The following PRKAR1A variants were observed in gnomAD, a reference collection of about 807,000 sequenced individuals.
PRKAR1A encodes protein kinase cAMP-dependent type I regulatory subunit alpha.
PRKAR1A carries 3 observed loss-of-function variants against 52.0 expected under a neutral mutation model. The observed-to-expected ratio is 0.06, with a 90% confidence interval of 0.03 to 0.15. The LOEUF is 0.15. Among genes scored for constraint, PRKAR1A ranks in the 10% least tolerant of loss-of-function variants. PRKAR1A has a pLI of 1.00. For synonymous variants in PRKAR1A, 188 were observed against 168.4 expected, an observed-to-expected ratio of 1.12 and a Z score of -0.90; for missense variants, 240 against 477.4, an observed-to-expected ratio of 0.50 and a Z score of 4.63.
At chr17:68,479,148 T>C in the PRKAR1A span, among the ~76,000 whole-genome samples, 1 of 152,376 alleles carries the variant, frequency 6.6e-6, no homozygotes, top group South Asian at 2.1e-4. Flanking sequence ...ATTGTTCTTA[T>C]ACTTTTCACA....
chr17:68,528,267 G>C (rs1363334900), intron 8 of PRKAR1A, among the ~76,000 whole-genome samples: 1 of 152,162 alleles, frequency 6.6e-6, no homozygotes, highest in Non-Finnish European at 1.5e-5. Flanking sequence ...TGTGGACTTG[G>C]AGATGTTAGA....
At chr17:68,469,927 T>C in the PRKAR1A span, among the ~76,000 whole-genome samples, 2 of 152,180 alleles carry the variant, frequency 1.3e-5, no homozygotes, top group Non-Finnish European at 2.9e-5. Flanking sequence ...TTTTTGTTTT[T>C]GCATATCTCT....
the PRKAR1A span, chr17:68,434,534 G>A: frequency 6.2e-7 from 1 of 1,613,084 alleles, no homozygotes; most frequent in Non-Finnish European, 8.5e-7. Flanking sequence ...ACTTTAAAAT[G>A]GGTTTGACAT....
the PRKAR1A span, among the ~76,000 whole-genome samples, chr17:68,493,978 G>A: frequency 3.9e-5 from 6 of 152,086 alleles, no homozygotes; most frequent in South Asian, 2.1e-4. Context: ...TGGCAACATC[G>A]TCCATCAAAA....
chr17:68,414,968 T>A, the PRKAR1A span, among the ~76,000 whole-genome samples: 1 of 152,228 alleles, frequency 6.6e-6, no homozygotes, highest in Admixed American at 6.5e-5. Context: ...TTTATTCATA[T>A]TTTCAAAGAA....
chr17:68,523,625 A>G, intron 3 of PRKAR1A, 100 bp from the exon 4 acceptor site: 3 of 903,480 alleles, frequency 3.3e-6, no homozygotes, highest in Non-Finnish European at 1.8e-6. Flanking sequence ...GTCTTGTTTA[A>G]ATACCATAAT....
chr17:68,501,065 A>G, the PRKAR1A span, among the ~76,000 whole-genome samples: 3 of 152,058 alleles, frequency 2.0e-5, no homozygotes, highest in Non-Finnish European at 4.4e-5. Context: ...GTCAATGCAC[A>G]TAAGTCCATG....
chr17:68,454,780 G>A, the PRKAR1A span, among the ~76,000 whole-genome samples: 1 of 152,224 alleles, frequency 6.6e-6, no homozygotes, highest in Non-Finnish European at 1.5e-5. Flanking sequence ...AAGAAATACT[G>A]TAACTAGAGT....
the PRKAR1A span, among the ~76,000 whole-genome samples, chr17:68,441,556 T>G: frequency 6.6e-6 from 1 of 152,188 alleles, no homozygotes; most frequent in Non-Finnish European, 1.5e-5. Flanking sequence ...AATGTATAAT[T>G]GGCAGGGCGG....
chr17:68,506,189 G>GCCA, the PRKAR1A span, among the ~76,000 whole-genome samples: 2 of 150,796 alleles, frequency 1.3e-5, no homozygotes, highest in Admixed American at 6.6e-5. Context: ...CCTACCACAG[G>GCCA]CCACTGATCA....
chr17:68,539,661 A>G (rs992670921), intron 11 of PRKAR1A, among the ~76,000 whole-genome samples: 16 of 152,180 alleles, frequency 1.1e-4, no homozygotes, highest in African/African-American at 3.4e-4. Context: ...ACCTCACCCT[A>G]TTTCACTAGA....
the PRKAR1A span, among the ~76,000 whole-genome samples, chr17:68,473,514 ATTATTTAT>A: frequency 3.3e-5 from 5 of 152,026 alleles, no homozygotes; most frequent in African/African-American, 4.8e-5. Flanking sequence ...GACCTATTTT[ATTATTTAT>A]TTATTTATTT....
chr17:68,491,095 T>TTTCTTTC, the PRKAR1A span, among the ~76,000 whole-genome samples: 1 of 136,196 alleles, frequency 7.3e-6, no homozygotes, highest in Non-Finnish European at 1.6e-5. Flanking sequence ...TCTTTCTTTC[T>TTTCTTTC]TTTTTTTTTT....
the PRKAR1A span, chr17:68,420,055 CAGAG>C: frequency 4.9e-6 from 5 of 1,010,756 alleles, no homozygotes; most frequent in Middle Eastern, 3.3e-4. Flanking sequence ...ATTTCTTTGA[CAGAG>C]AGAGCCATCA....
upstream of PRKAR1A, among the ~76,000 whole-genome samples, chr17:68,509,740 G>C (rs1230010132): frequency 6.6e-6 from 1 of 152,202 alleles, no homozygotes; most frequent in Non-Finnish European, 1.5e-5. Context: ...TTTCAGAACA[G>C]CTGTCTCACT....
Position 68,539,311 on chromosome 17 carries a change from G to A in PRKAR1A, c.973+9310G>A, listed in dbSNP as rs370186183. On this transcript the variant is annotated intron_variant, in intron 11 of 11. Coordinates refer to the PRKAR1A transcript ENST00000585981. ...GAAGGGTCACAACTGTTACTTGCCC[G>A]TATTATCTGCTGCAGGAAAACTTAC... 126 of 1,612,748 alleles carry A rather than the reference G, an allele frequency of 7.8e-5. 1 individual carries two copies. The Middle Eastern group carries it at 9.9e-4, about 13-fold the overall frequency.
the PRKAR1A span, among the ~76,000 whole-genome samples, chr17:68,465,424 G>A: frequency 1.3e-5 from 2 of 151,676 alleles, no homozygotes; most frequent in Non-Finnish European, 2.9e-5. Context: ...ATTGTTTCTG[G>A]GCAAAACAAA....
chr17:68,526,102 C>CTAAT (rs2085782637), intron 7 of PRKAR1A, among the ~76,000 whole-genome samples, 190 bp downstream of exon 7: 1 of 152,134 alleles, frequency 6.6e-6, no homozygotes, highest in African/African-American at 2.4e-5. Flanking sequence ...ATTCATTATG[C>CTAAT]CATTTTAGGC....
At chr17:68,527,279 T>A (rs949022852) in intron 7 of PRKAR1A, among the ~76,000 whole-genome samples, 3 of 152,188 alleles carry the variant, frequency 2.0e-5, no homozygotes, top group African/African-American at 4.8e-5. Flanking sequence ...GTCCTTTTTT[T>A]ATAGAATAAA....
Sources: allele counts gnomAD v4.1 joint callset (sites outside exome capture counted in the v4.1 genomes callset), GRCh38; gene constraint gnomAD v4.1.1; transcripts MANE v1.5; gene names NCBI Gene and HGNC (gene_info 2026-07-23, HGNC 2026-07-21).